CDIN1: variants seen among roughly 807,000 people sequenced by gnomAD.
CDIN1 encodes the protein CDAN1-interacting nuclease 1.
A neutral mutation model predicts 45.3 loss-of-function variants in CDIN1; 33 were observed. The observed-to-expected ratio is 0.73, with a 90% CI of 0.55 to 0.97. The LOEUF (loss-of-function observed/expected upper bound fraction) is 0.97. Among genes scored for constraint, CDIN1 ranks in the 50% least tolerant of loss-of-function variants. The pLI is 0.00. For synonymous variants in CDIN1, 118 were observed against 124.4 expected (o/e 0.95, Z 0.34); for missense variants, 303 against 339.4 (o/e 0.89, Z 0.84).
intron 10 of CDIN1, among the ~76,000 whole-genome samples, chr15:36,764,637 C>T (rs1272349393): frequency 2.0e-5 from 3 of 152,152 alleles, no homozygotes; most frequent in Non-Finnish European, 2.9e-5. Context: ...AAATCTTGAC[C>T]AACAGCTTAA....
intron 8 of CDIN1, chr15:36,704,682 A>G (rs1418882746): frequency 6.6e-6 from 1 of 152,012 alleles, no homozygotes; most frequent in Non-Finnish European, 1.5e-5. Context: ...GTAAAGATGC[A>G]CTAGGTGTTA....
At chr15:36,627,562 A>G (rs2039491138) in intron 1 of CDIN1, 1 of 153,102 alleles carries the variant, frequency 6.5e-6, no homozygotes, top group Non-Finnish European at 1.5e-5. Flanking sequence ...GGTGCACCTC[A>G]AGGTGGGCAT....
intron 1 of CDIN1, among the ~76,000 whole-genome samples, chr15:36,601,096 GTTTAC>G (rs919250967): frequency 2.6e-5 from 4 of 152,066 alleles, no homozygotes; most frequent in Admixed American, 2.0e-4. Context: ...TCCTTTCAGA[GTTTAC>G]TTAACTGTGG....
chr15:36,691,407 G>T, intron 5 of CDIN1: 1 of 331,778 alleles, frequency 3.0e-6, no homozygotes. Flanking sequence ...CTTTTCGGAA[G>T]CTTATTTATC....
chr15:36,636,191 A>G (rs1008060987), intron 1 of CDIN1, among the ~76,000 whole-genome samples: 1 of 152,222 alleles, frequency 6.6e-6, no homozygotes, highest in Non-Finnish European at 1.5e-5. Context: ...ACAGATTGTC[A>G]TTACAAAGAG....
Position 36,769,211 on chromosome 15 carries a change from G to A in CDIN1, c.717-39113G>A, listed in dbSNP as rs556149968. The stretch of plus-strand genomic sequence containing the variant: ...GGTTCTCCAGAGAAACAAACCAATT[G>A]GACATATGTGTACATATATTGAGAG... On this transcript the variant is annotated intron_variant, in intron 10 of 10. Transcript: ENST00000566621. Among the ~76,000 whole-genome samples the A allele has an allele frequency of 1.6e-4, 24 of 152,222 alleles. 1 individual carries two copies. Among genetic ancestry groups the A allele is most frequent in the Admixed American group, 1.2e-3 (19 of 15,288 alleles).
At chr15:36,664,355 C>T (rs2041156197) in intron 5 of CDIN1, among the ~76,000 whole-genome samples, 1 of 152,218 alleles carries the variant, frequency 6.6e-6, no homozygotes, top group South Asian at 2.1e-4. Context: ...CCGCATTCTA[C>T]ATGTGAACCC....
intron 5 of CDIN1, among the ~76,000 whole-genome samples, chr15:36,663,811 A>T (rs1440561089): frequency 6.6e-6 from 1 of 152,236 alleles, no homozygotes; most frequent in Non-Finnish European, 1.5e-5. Context: ...TAGATTTGGT[A>T]TTAGTTATAA....
At chr15:36,747,643 A>G (rs1228044971) in intron 10 of CDIN1, among the ~76,000 whole-genome samples, 1 of 152,194 alleles carries the variant, frequency 6.6e-6, no homozygotes, top group Admixed American at 6.5e-5. Context: ...TCAGTGTTGA[A>G]CACTAATCAG....
intron 1 of CDIN1, among the ~76,000 whole-genome samples, chr15:36,603,042 A>G (rs2038186819): frequency 6.6e-6 from 1 of 152,124 alleles, no homozygotes; most frequent in African/African-American, 2.4e-5. Context: ...GGTGCTAAAT[A>G]TACAAATCAC....
At chr15:36,605,383 G>A (rs1489140601) in intron 1 of CDIN1, among the ~76,000 whole-genome samples, 1 of 151,538 alleles carries the variant, frequency 6.6e-6, no homozygotes. Flanking sequence ...TTTTAATCTG[G>A]AATTCTCTCT....
At chr15:36,678,433 G>C (rs1430829238) in intron 5 of CDIN1, among the ~76,000 whole-genome samples, 1 of 152,178 alleles carries the variant, frequency 6.6e-6, no homozygotes, top group East Asian at 1.9e-4. Flanking sequence ...TCAGCCCCTG[G>C]GGCAGCCACA....
chr15:36,718,750 T>C (rs1245743202), intron 10 of CDIN1, among the ~76,000 whole-genome samples: 2 of 151,664 alleles, frequency 1.3e-5, no homozygotes, highest in Admixed American at 1.3e-4. Context: ...AGTGATAGGA[T>C]TTTCTACATA....
At chr15:36,665,033 GT>G (rs1171296661) in intron 5 of CDIN1, among the ~76,000 whole-genome samples, 2 of 152,154 alleles carry the variant, frequency 1.3e-5, no homozygotes, top group Non-Finnish European at 2.9e-5. Flanking sequence ...TTTGAAATGT[GT>G]TGGCCTAGAC....
At chr15:36,643,963 C>G (rs2040212127) in intron 1 of CDIN1, among the ~76,000 whole-genome samples, 1 of 152,164 alleles carries the variant, frequency 6.6e-6, no homozygotes, top group Non-Finnish European at 1.5e-5. Context: ...ATAAGCCTTG[C>G]TTTCTTGTGG....
At chr15:36,776,816 C>CT (rs985532062) in intron 10 of CDIN1, among the ~76,000 whole-genome samples, 6 of 151,994 alleles carry the variant, frequency 3.9e-5, no homozygotes, top group Non-Finnish European at 8.8e-5. Context: ...ATAGTGATCT[C>CT]TTTTTTTTCC....
chr15:36,668,296 C>G (rs1204678742), intron 5 of CDIN1: 1 of 152,064 alleles, frequency 6.6e-6, no homozygotes, highest in Non-Finnish European at 1.5e-5. Context: ...AATTTTGTAG[C>G]TAACATGTAA....
intron 8 of CDIN1, chr15:36,707,829 A>G (rs112506348): frequency 2.0e-4 from 31 of 152,268 alleles, no homozygotes; most frequent in Non-Finnish European, 2.9e-4. Flanking sequence ...AACTTGTCCA[A>G]TCTTCTTCAT....
At chr15:36,782,597 T>G (rs2054381022) in intron 10 of CDIN1, among the ~76,000 whole-genome samples, 1 of 152,202 alleles carries the variant, frequency 6.6e-6, no homozygotes, top group Non-Finnish European at 1.5e-5. Flanking sequence ...CACTTGTGTG[T>G]GTGTAGATAT....
Sources: allele counts gnomAD v4.1 joint callset (sites outside exome capture counted in the v4.1 genomes callset), GRCh38; gene constraint gnomAD v4.1.1; transcripts MANE v1.5; gene names NCBI Gene and HGNC (gene_info 2026-07-23, HGNC 2026-07-21).